Variants in LPP observed in about 807,000 individuals in gnomAD.
The protein encoded by LPP is LIM domain containing preferred translocation partner in lipoma.
Under a neutral mutation model 60.4 loss-of-function variants are expected in LPP, and 38 were observed. The ratio of observed to expected loss-of-function variants is 0.63; its 90% CI spans 0.49 to 0.83. LPP has a LOEUF of 0.83. Among genes scored for constraint, LPP ranks in the 40% least tolerant of loss-of-function variants. The pLI is 0.00. For synonymous variants in LPP, 328 were observed against 290.8 expected (o/e 1.13, Z -1.30); for missense variants, 902 against 783.6 (o/e 1.15, Z -1.80).
intron 7 of LPP, among the ~76,000 whole-genome samples, chr3:188,675,993 A>C (rs1157705773): frequency 6.6e-6 from 1 of 152,168 alleles, no homozygotes; most frequent in Non-Finnish European, 1.5e-5. Flanking sequence ...ATTTAAGAGA[A>C]AGAATCCTAG....
chr3:188,605,550 TACAGATGAATTCTGGAG>T (rs1336180809), intron 6 of LPP, among the ~76,000 whole-genome samples: 1 of 152,134 alleles, frequency 6.6e-6, no homozygotes, highest in Non-Finnish European at 1.5e-5. Flanking sequence ...GTATTCAGAA[TACAGATGAATTCTGGAG>T]ACAGAAATTC....
chr3:188,790,748 G>A (rs1743415690), intron 9 of LPP, among the ~76,000 whole-genome samples: 4 of 151,790 alleles, frequency 2.6e-5, no homozygotes, highest in Admixed American at 2.6e-4. Context: ...CTTGAACCAG[G>A]AGGTGGAGGT....
intron 6 of LPP, among the ~76,000 whole-genome samples, chr3:188,587,018 C>T (rs1228552517): frequency 1.3e-5 from 2 of 152,008 alleles, no homozygotes; most frequent in African/African-American, 4.8e-5. Context: ...CGTGAGCCAC[C>T]GCGCTTGCCC....
chr3:188,639,691 C>A (rs1220849971), intron 7 of LPP, among the ~76,000 whole-genome samples: 4 of 151,396 alleles, frequency 2.6e-5, no homozygotes, highest in Non-Finnish European at 4.4e-5. Context: ...ACAACCCCAT[C>A]AAAAAGTGGG....
chr3:188,701,645 G>C (rs1285006028), intron 7 of LPP, among the ~76,000 whole-genome samples: 2 of 152,154 alleles, frequency 1.3e-5, no homozygotes, highest in Non-Finnish European at 2.9e-5. Context: ...AGGAGGAAAT[G>C]GATTTTGGTG....
At chr3:188,636,980 C>G (rs548549540) in intron 7 of LPP, among the ~76,000 whole-genome samples, 1 of 144,240 alleles carries the variant, frequency 6.9e-6, no homozygotes, top group Admixed American at 6.7e-5. Context: ...CAAGGATACC[C>G]AGGAATTGAA....
intron 3 of LPP, among the ~76,000 whole-genome samples, chr3:188,382,271 T>C (rs928201815): frequency 2.0e-5 from 3 of 152,240 alleles, no homozygotes; most frequent in Non-Finnish European, 4.4e-5. Flanking sequence ...ATTGTGTGTT[T>C]GTACAGGTCT....
rs541257384 is a variant in LPP, at chr3:188,622,651, C to T, written c.1113+12807C>T. ...ATGATGAACAAAAACTCAGCTCGTC[C>T]TCAAAATCGATATGTATTATTGGTG... On this transcript the variant is annotated intron_variant, in intron 7 of 11. Coordinates refer to ENST00000617246, the MANE Select transcript of LPP (RefSeq NM_001375462.1). 2.0e-5 allele frequency among the ~76,000 whole-genome samples: 3 copies of T among 152,128 alleles called. No individual in the cohort carries two copies. In the South Asian group the frequency reaches 6.2e-4, roughly 32 times the overall value.
At chr3:188,800,197 TA>T (rs1746632421) in intron 9 of LPP, among the ~76,000 whole-genome samples, 1 of 145,288 alleles carries the variant, frequency 6.9e-6, no homozygotes. Context: ...TTTTTGCCAT[TA>T]AAAGCAAATA....
intron 9 of LPP, among the ~76,000 whole-genome samples, chr3:188,779,252 G>C (rs566531065): frequency 6.6e-6 from 1 of 152,202 alleles, no homozygotes; most frequent in Non-Finnish European, 1.5e-5. Flanking sequence ...GAGAGATAGG[G>C]GTATTGCAGA....
chr3:188,384,770 A>G (rs1777804446), intron 3 of LPP, among the ~76,000 whole-genome samples: 1 of 90,636 alleles, frequency 1.1e-5, no homozygotes, highest in African/African-American at 4.0e-5. Context: ...AGCCTGGGCG[A>G]CAGAGCGAGA....
chr3:188,875,185 T>C lies in LPP; in HGVS notation c.*706T>C, dbSNP rs2152066438. 4.6e-6 allele frequency: 1 copy of C among 217,644 alleles called. No individual in the cohort carries two copies. The highest frequency in any genetic ancestry group is 9.2e-6 in the Non-Finnish European group (1 of 108,242). The allele number at this position is 217,644 out of a possible 1,614,324, so 13.5% of individuals were successfully genotyped here. On this transcript the variant is annotated 3_prime_UTR_variant, in exon 12 of 12. Transcript: ENST00000617246. ...AGTGACAGACAACCAAGCTTCAATA[T>C]TTTTCTAAAGAAATTACAGGTGGGA...
intron 6 of LPP, among the ~76,000 whole-genome samples, chr3:188,588,800 G>T (rs1580204086): frequency 6.6e-6 from 1 of 152,136 alleles, no homozygotes; most frequent in Admixed American, 6.5e-5. Flanking sequence ...CTCCTCCAAG[G>T]CCAGTGTATG....
intron 2 of LPP, among the ~76,000 whole-genome samples, chr3:188,282,199 T>C (rs1266656845): frequency 6.7e-6 from 1 of 149,358 alleles, no homozygotes; most frequent in Admixed American, 6.7e-5. Context: ...TTTAGCTTAA[T>C]ATGGGGCTCA....
At chr3:188,724,106 A>T (rs1380571421) in intron 8 of LPP, among the ~76,000 whole-genome samples, 1 of 152,174 alleles carries the variant, frequency 6.6e-6, no homozygotes, top group Admixed American at 6.5e-5. Flanking sequence ...AGCACTGACT[A>T]TTTAGTATGA....
intron 1 of LPP, among the ~76,000 whole-genome samples, chr3:188,168,522 A>G (rs961591009): frequency 5.1e-4 from 78 of 152,338 alleles, no homozygotes; most frequent in African/African-American, 1.9e-3. Context: ...TCTAATGCTT[A>G]AGTCTAAATT....
chr3:188,205,304 A>T (rs1332903310), intron 1 of LPP, among the ~76,000 whole-genome samples: 7 of 109,720 alleles, frequency 6.4e-5, no homozygotes, highest in Non-Finnish European at 1.0e-4. Flanking sequence ...TTTTTTTGGC[A>T]GAGTCTTGCT....
At position 188,825,269 on chromosome 3, in the gene LPP, C is replaced by CTCTCTCTGTG. The variant is rs1463318065; in HGVS notation, c.1411-40930_1411-40929insCTCTCTGTGT. On this transcript the variant is annotated intron_variant, in intron 9 of 11. Coordinates refer to ENST00000617246, the MANE Select transcript of LPP (RefSeq NM_001375462.1). Reference sequence around the variant, plus strand: ...TCTTTCTCTCTCTCTCTCTCTCTCTCTGTGTGTGTGTGTGTGTGTGTGTGT... The same window carrying CTCTCTCTGTG: ...TCTTTCTCTCTCTCTCTCTCTCTCTCTCTCTCTGTGTGTGTGTGTGTGTGTGTGTGTGTGT... 5.8e-3 allele frequency among the ~76,000 whole-genome samples: 594 copies of CTCTCTCTGTG among 101,740 alleles called. 7 individuals carry two copies. The highest frequency in any genetic ancestry group is 6.1e-3 in the Non-Finnish European group (327 of 53,368). 66.7% of individuals were successfully genotyped at this position (101,740 alleles called of 152,430 possible).
chr3:188,579,066 C>T (rs1184482716), intron 6 of LPP, among the ~76,000 whole-genome samples: 1 of 152,020 alleles, frequency 6.6e-6, no homozygotes, highest in African/African-American at 2.4e-5. Context: ...TAAAAATAAA[C>T]TTATGATAAT....
Sources: allele counts gnomAD v4.1 joint callset (sites outside exome capture counted in the v4.1 genomes callset), GRCh38; gene constraint gnomAD v4.1.1; transcripts MANE v1.5; gene names NCBI Gene and HGNC (gene_info 2026-07-23, HGNC 2026-07-21).